The following SIPA1L3 variants were observed in gnomAD, a reference collection of about 807,000 sequenced individuals.
SIPA1L3 encodes signal-induced proliferation-associated 1-like protein 3.
In SIPA1L3, 59 loss-of-function variants were observed where a neutral mutation model predicts 150.1. The ratio of observed to expected loss-of-function variants is 0.39; its 90% CI spans 0.32 to 0.49. The LOEUF is 0.49. Ranked by LOEUF, SIPA1L3 falls within the 20% of genes least tolerant of loss-of-function variation. The pLI, the probability that SIPA1L3 is intolerant of heterozygous loss-of-function variation, is 0.86. For synonymous variants in SIPA1L3, 1,070 were observed against 1,077.6 expected, an observed-to-expected ratio of 0.99 and a Z score of 0.14; for missense variants, 2,211 against 2,489.5, an observed-to-expected ratio of 0.89 and a Z score of 2.38.
At chr19:38,169,533 A>T (rs912897724) in intron 15 of SIPA1L3, among the ~76,000 whole-genome samples, 9 of 152,194 alleles carry the variant, frequency 5.9e-5, no homozygotes, top group African/African-American at 2.2e-4. Flanking sequence ...CATCTGTGAA[A>T]CTAGGGATAA....
chr19:38,162,555 C>G (rs1400017164), intron 14 of SIPA1L3, among the ~76,000 whole-genome samples, 184 bp downstream of exon 14: 1 of 152,364 alleles, frequency 6.6e-6, no homozygotes, highest in East Asian at 1.9e-4. Flanking sequence ...TCAGCCAGGT[C>G]ATCTAGGGCA....
In SIPA1L3 at chr19:38,140,599, A is replaced by C. The variant is rs745641911; in HGVS notation, c.3144-585A>C. ...GGCAGCCGTGTGGCCTGGGTCAGGT[A>C]GAAGCGAGGGGCGGGAACAGAGAAT... is the stretch of plus-strand genomic sequence containing the variant. On this transcript the variant is annotated intron_variant, in intron 10 of 21. Coordinates refer to ENST00000222345, the MANE Select transcript of SIPA1L3 (RefSeq NM_015073.3). Among the ~76,000 whole-genome samples, 208 of 152,160 alleles carry C rather than the reference A, an allele frequency of 1.4e-3. 2 individuals carry two copies. The highest frequency in any genetic ancestry group is 1.3e-3 in the Non-Finnish European group (88 of 68,022).
intron 1 of SIPA1L3, among the ~76,000 whole-genome samples, chr19:37,991,173 T>G (rs541867448): frequency 6.6e-6 from 1 of 152,062 alleles, no homozygotes; most frequent in African/African-American, 2.4e-5. Context: ...CAGAGGTTGC[T>G]GTGAGCCGAG....
At chr19:38,063,467 C>G (rs955946389) in intron 2 of SIPA1L3, among the ~76,000 whole-genome samples, 1 of 152,226 alleles carries the variant, frequency 6.6e-6, no homozygotes, top group African/African-American at 2.4e-5. Flanking sequence ...AACAGATGTT[C>G]TTTTACAAGG....
chr19:38,003,807 G>T (rs1366273318), intron 1 of SIPA1L3, among the ~76,000 whole-genome samples: 1 of 152,168 alleles, frequency 6.6e-6, no homozygotes, highest in Non-Finnish European at 1.5e-5. Context: ...ACCCCAGCTT[G>T]TATTTGGTAG....
At chr19:37,984,883 G>A (rs983583112) in intron 1 of SIPA1L3, among the ~76,000 whole-genome samples, 3 of 152,216 alleles carry the variant, frequency 2.0e-5, no homozygotes, top group South Asian at 2.1e-4. Context: ...TTTCATGAAC[G>A]TGACTGGAAG....
intron 2 of SIPA1L3, among the ~76,000 whole-genome samples, chr19:38,037,728 G>A (rs533954721): frequency 6.6e-6 from 1 of 152,236 alleles, no homozygotes; most frequent in East Asian, 1.9e-4. Flanking sequence ...TTTACCTGGT[G>A]AAAAAAACTG....
At chr19:38,025,411 A>G (rs1442500018) in intron 1 of SIPA1L3, among the ~76,000 whole-genome samples, 1 of 152,190 alleles carries the variant, frequency 6.6e-6, no homozygotes, top group African/African-American at 2.4e-5. Flanking sequence ...TAAGCAGGGT[A>G]CTGGCTGGAT....
chr19:37,967,764 T>G (rs1432389334), intron 1 of SIPA1L3, among the ~76,000 whole-genome samples: 1 of 152,152 alleles, frequency 6.6e-6, no homozygotes, highest in Non-Finnish European at 1.5e-5. Flanking sequence ...GTACTAGGGT[T>G]GTTAAACTTT....
intron 1 of SIPA1L3, among the ~76,000 whole-genome samples, chr19:37,924,882 C>T (rs2046488863): frequency 6.6e-6 from 1 of 151,694 alleles, no homozygotes; most frequent in Admixed American, 6.6e-5. Flanking sequence ...AACCCTCTCT[C>T]TACTAAAAAT....
At chr19:38,035,888 T>C (rs1442853542) in intron 2 of SIPA1L3, among the ~76,000 whole-genome samples, 1 of 152,176 alleles carries the variant, frequency 6.6e-6, no homozygotes. Flanking sequence ...GCTGCTGTTG[T>C]GATTATTCAT....
intron 1 of SIPA1L3, among the ~76,000 whole-genome samples, chr19:38,002,777 C>T (rs532951287): frequency 3.5e-5 from 5 of 143,396 alleles, no homozygotes; most frequent in Admixed American, 1.4e-4. Context: ...TCACATTTTG[C>T]TTATCTATTT....
chr19:38,111,447 T>A (rs1158516881), intron 8 of SIPA1L3, among the ~76,000 whole-genome samples: 1 of 152,230 alleles, frequency 6.6e-6, no homozygotes, highest in African/African-American at 2.4e-5. Context: ...ACGGTTGTGA[T>A]GCCTGCAATG....
intron 2 of SIPA1L3, among the ~76,000 whole-genome samples, chr19:38,071,203 A>T (rs527433779): frequency 1.2e-4 from 2 of 16,194 alleles, no homozygotes; most frequent in African/African-American, 5.8e-4. Context: ...ATGTTGTTTT[A>T]TCTATCTATC....
intron 15 of SIPA1L3, among the ~76,000 whole-genome samples, chr19:38,173,220 C>A (rs4803828): frequency 0.16 from 24,547 of 152,308 alleles, 2,311 homozygotes; most frequent in African/African-American, 0.26. Flanking sequence ...CAAAGGCTGC[C>A]AGGAGAGGGA....
intron 1 of SIPA1L3, among the ~76,000 whole-genome samples, chr19:37,921,053 C>G (rs116572273): frequency 6.6e-6 from 1 of 152,326 alleles, no homozygotes; most frequent in Non-Finnish European, 1.5e-5. Flanking sequence ...AGGCCCCACA[C>G]GAACCGGAAT....
chr19:38,001,288 G>T (rs1444835905), intron 1 of SIPA1L3, among the ~76,000 whole-genome samples: 1 of 151,948 alleles, frequency 6.6e-6, no homozygotes, highest in Non-Finnish European at 1.5e-5. Flanking sequence ...TATCAAAGAT[G>T]ATCCCTCAAA....
At position 38,164,737 on chromosome 19, in the gene SIPA1L3, G is replaced by A. The variant is rs766968887; in HGVS notation, c.4039G>A (p.Gly1347Ser). The A allele has an allele frequency of 1.2e-6, 2 of 1,613,212 alleles. No individual in the cohort carries two copies. Among genetic ancestry groups the A allele is most frequent in the Admixed American group, 3.3e-5 (2 of 59,896 alleles). ...PPGSMGLCGG[G>S]REAAGRSHHA... ...TGGAAGTATGGGCCTTTGTGGCGGG[G>A]GTCGCGAGGCCGCTGGGAGGTCCCA... Residue 1347 changes from glycine to serine, a missense_variant, in exon 15 of 22, where the codon GGT (glycine) becomes AGT (serine). Around this residue, in one of 5 missense-constraint regions of SIPA1L3, gnomAD observed 806 missense variants for 870.1 expected, o/e 0.93. Transcript: ENST00000222345. The surrounding 1 kb of genome is among the most constrained non-coding windows in gnomAD (Gnocchi z 4.1).
At chr19:38,171,902 T>G (rs1218612110) in intron 15 of SIPA1L3, among the ~76,000 whole-genome samples, 8 of 151,164 alleles carry the variant, frequency 5.3e-5, no homozygotes, top group Admixed American at 2.0e-4. Context: ...GCCCTGGAGG[T>G]AGGTAGGTAG....
Sources: allele counts gnomAD v4.1 joint callset (sites outside exome capture counted in the v4.1 genomes callset), GRCh38; gene constraint gnomAD v4.1.1; regional missense constraint gnomAD v4.1.1; non-coding constraint Gnocchi (gnomAD v3.1); transcripts MANE v1.5; gene names NCBI Gene and HGNC (gene_info 2026-07-23, HGNC 2026-07-21).